The following DIAPH2 variants were observed in gnomAD, a reference collection of about 807,000 sequenced individuals.
The protein encoded by DIAPH2 is diaphanous related formin 2.
A neutral mutation model predicts 92.7 loss-of-function variants in DIAPH2; 35 were observed. The ratio of observed to expected loss-of-function variants is 0.38; its 90% CI spans 0.29 to 0.50. The LOEUF (loss-of-function observed/expected upper bound fraction) is 0.50. Ranked by LOEUF, DIAPH2 falls within the 20% of genes least tolerant of loss-of-function variation. DIAPH2 has a pLI of 0.94. For synonymous variants in DIAPH2, 301 were observed against 280.4 expected (o/e 1.07, Z -0.73); for missense variants, 701 against 819.5 (o/e 0.86, Z 1.77).
In DIAPH2 at chrX:96,962,380, C is replaced by CATATATATAT. The variant is rs1224506874; in HGVS notation, c.1936-2712_1936-2711insTATATATATA. ...ATATATATATACACATATATATATA[C>CATATATATAT]ACATATATATACACATATATATACA... is the stretch of plus-strand genomic sequence containing the variant. On this transcript the variant is annotated intron_variant, in intron 16 of 26. Transcript: ENST00000324765. 2.4e-3 allele frequency among the ~76,000 whole-genome samples: 61 copies of CATATATATAT among 25,730 alleles called. 2 individuals are homozygous for CATATATATAT. Among genetic ancestry groups the CATATATATAT allele is most frequent in the Middle Eastern group, 0.021 (1 of 48 alleles). 22.3% of individuals were successfully genotyped at this position (25,730 alleles called of 115,157 possible).
intron 4 of DIAPH2, among the ~76,000 whole-genome samples, chrX:96,859,409 A>G (rs921105247): frequency 1.8e-5 from 2 of 110,405 alleles, no homozygotes; most frequent in Non-Finnish European, 3.8e-5. Flanking sequence ...TATTGAATTT[A>G]GCAAGATTAT....
chrX:97,265,731 A>G (rs56241354), intron 23 of DIAPH2, among the ~76,000 whole-genome samples: 34 of 112,227 alleles, frequency 3.0e-4, no homozygotes, highest in African/African-American at 1.1e-3. Context: ...GGAGATTAGT[A>G]TAAGATGAAA....
At chrX:97,474,321 G>A (rs2070587265) in intron 26 of DIAPH2, among the ~76,000 whole-genome samples, 1 of 112,671 alleles carries the variant, frequency 8.9e-6, no homozygotes, top group Non-Finnish European at 1.9e-5. Flanking sequence ...AGTAATAAAA[G>A]CAACCTCTGG....
At chrX:97,036,209 C>T (rs2066409653) in intron 17 of DIAPH2, among the ~76,000 whole-genome samples, 2 of 111,402 alleles carry the variant, frequency 1.8e-5, no homozygotes, top group Admixed American at 1.9e-4. Flanking sequence ...CACTGCCCTT[C>T]AAAAAAGTTC....
At chrX:97,132,742 A>T (rs1220774682) in intron 21 of DIAPH2, among the ~76,000 whole-genome samples, 1 of 112,177 alleles carries the variant, frequency 8.9e-6, no homozygotes, top group Admixed American at 9.4e-5. Flanking sequence ...TCACTAAAAG[A>T]AATAAAGTTG....
chrX:96,995,157 G>A (rs1190486947), intron 17 of DIAPH2, among the ~76,000 whole-genome samples: 3 of 111,731 alleles, frequency 2.7e-5, no homozygotes, highest in Admixed American at 9.5e-5. Context: ...GACTAGTTTC[G>A]TCGTGTAGAT....
intron 22 of DIAPH2, among the ~76,000 whole-genome samples, chrX:97,185,435 G>GTATATATA (rs2067585367): frequency 2.6e-5 from 1 of 39,196 alleles, no homozygotes; most frequent in South Asian, 1.0e-3. Context: ...ATATATATAT[G>GTATATATA]TGTATATATA....
intron 19 of DIAPH2, among the ~76,000 whole-genome samples, chrX:97,085,583 A>G (rs616570): frequency 0.34 from 36,847 of 108,946 alleles, 4,692 homozygotes; most frequent in African/African-American, 0.42. Context: ...CGCCCGGCTA[A>G]TTTTTGTATT....
chrX:97,313,801 G>T (rs1171154606), intron 23 of DIAPH2, among the ~76,000 whole-genome samples: 1 of 110,183 alleles, frequency 9.1e-6, no homozygotes, highest in Non-Finnish European at 1.9e-5. Flanking sequence ...ACCATGCCCG[G>T]CTAATTTTTT....
chrX:97,270,378 A>G (rs1569346522), intron 23 of DIAPH2, among the ~76,000 whole-genome samples: 1 of 112,275 alleles, frequency 8.9e-6, no homozygotes. Flanking sequence ...AGGAGATACT[A>G]TTAACCTCAT....
chrX:97,350,896 A>T (rs2069206014), intron 24 of DIAPH2, among the ~76,000 whole-genome samples: 1 of 112,259 alleles, frequency 8.9e-6, no homozygotes, highest in Non-Finnish European at 1.9e-5. Flanking sequence ...ACTGAATGTA[A>T]ATAATTTGAT....
intron 19 of DIAPH2, among the ~76,000 whole-genome samples, chrX:97,081,129 A>G (rs2066740800): frequency 8.9e-6 from 1 of 112,384 alleles, no homozygotes; most frequent in Admixed American, 9.4e-5. Context: ...GACAGTAACA[A>G]TCATAAAACA....
chrX:97,005,786 A>G (rs1474036113), intron 17 of DIAPH2, among the ~76,000 whole-genome samples: 1 of 110,603 alleles, frequency 9.0e-6, no homozygotes, highest in East Asian at 2.8e-4. Context: ...TGATCCACCT[A>G]CCTCAGCCTC....
intron 26 of DIAPH2, among the ~76,000 whole-genome samples, chrX:97,446,468 T>C (rs1169497201): frequency 1.8e-5 from 2 of 111,361 alleles, no homozygotes; most frequent in Non-Finnish European, 3.8e-5. Context: ...CTAGGGGGAG[T>C]TCTTTATTAT....
intron 5 of DIAPH2, chrX:96,885,190 A>T: frequency 1.3e-6 from 1 of 746,116 alleles, no homozygotes; most frequent in South Asian, 2.8e-5. Context: ...GGACTAAAAA[A>T]AAAAATCTCA....
At chrX:97,141,526 C>A in intron 21 of DIAPH2, 139 bp from the exon 22 acceptor site, 1 of 534,853 alleles carries the variant, frequency 1.9e-6, no homozygotes, top group Non-Finnish European at 2.7e-6. Context: ...TCTAGAGCAC[C>A]GCTACTAGAC....
At chrX:97,577,354 G>A (rs942370563) in intron 26 of DIAPH2, among the ~76,000 whole-genome samples, 4 of 112,176 alleles carry the variant, frequency 3.6e-5, no homozygotes, top group Non-Finnish European at 5.6e-5. Flanking sequence ...ATTTAATATC[G>A]AGAAAGCTAA....
intron 5 of DIAPH2, among the ~76,000 whole-genome samples, chrX:96,902,326 A>G (rs2065403195): frequency 9.0e-6 from 1 of 110,824 alleles, no homozygotes; most frequent in Non-Finnish European, 1.9e-5. Flanking sequence ...GTTTATGTCT[A>G]TTGTTTCTTT....
chrX:97,266,031 TTTC>T (rs1406658049), intron 23 of DIAPH2, among the ~76,000 whole-genome samples: 1 of 112,342 alleles, frequency 8.9e-6, no homozygotes, highest in East Asian at 2.8e-4. Flanking sequence ...TAAAAGAACA[TTTC>T]TTTTTCTAGT....
Sources: allele counts gnomAD v4.1 joint callset (sites outside exome capture counted in the v4.1 genomes callset), GRCh38; gene constraint gnomAD v4.1.1; transcripts MANE v1.5; gene names NCBI Gene and HGNC (gene_info 2026-07-23, HGNC 2026-07-21).